The following KAT7 variants were observed in gnomAD, a reference collection of about 807,000 sequenced individuals.
The protein encoded by KAT7 is histone acetyltransferase KAT7.
KAT7 carries 10 observed loss-of-function variants against 82.1 expected under a neutral mutation model. That is an observed-to-expected ratio of 0.12 (90% confidence interval 0.08 to 0.21). The LOEUF is 0.21. KAT7 is among the 10% of genes least tolerant of loss of function. The probability of loss-of-function intolerance (pLI) is 1.00; values close to 1 mark genes in which losing one functional copy is unlikely to be tolerated. For missense variants in KAT7, 378 were observed against 760.9 expected (o/e 0.50, Z 5.92); for synonymous variants, 250 against 262.5 (o/e 0.95, Z 0.46).
chr17:49,814,045 C>G (rs953473332), intron 7 of KAT7, among the ~76,000 whole-genome samples: 5 of 152,032 alleles, frequency 3.3e-5, no homozygotes, highest in Admixed American at 1.3e-4. Flanking sequence ...GTGTGGGCCA[C>G]CACACCCAGC....
chr17:49,808,542 C>T (rs946486152), intron 5 of KAT7, among the ~76,000 whole-genome samples: 2 of 151,800 alleles, frequency 1.3e-5, no homozygotes, highest in African/African-American at 4.8e-5. Context: ...CTTCTACCTC[C>T]CGGGTTCAAG....
chr17:49,800,138 A>T (rs535499893), intron 4 of KAT7, among the ~76,000 whole-genome samples: 22 of 150,978 alleles, frequency 1.5e-4, no homozygotes, highest in African/African-American at 5.4e-4. Context: ...CAGCCTCTCG[A>T]GTAGCTGGGA....
chr17:49,816,962 A>G (rs895623383), intron 8 of KAT7, among the ~76,000 whole-genome samples: 1 of 152,098 alleles, frequency 6.6e-6, no homozygotes. Flanking sequence ...CAGGCATGCC[A>G]CTACACCCAT....
Position 49,788,754 on chromosome 17 carries a change from G to A in KAT7, c.-81G>A. 3.4e-6 allele frequency: 5 copies of A among 1,486,360 alleles called. No homozygotes were observed. The highest frequency in any genetic ancestry group is 4.6e-6 in the Non-Finnish European group (5 of 1,097,354). 92.1% of individuals were successfully genotyped at this position (1,486,360 alleles called of 1,614,324 possible). On this transcript the variant is annotated 5_prime_UTR_variant, in exon 1 of 15. Transcript: ENST00000259021. ...CAGGATTGGGACTGATACAGAGGCC[G>A]CCACGGAGCCCGCCGGAGCCACCGT...
Position 49,796,943 on chromosome 17 carries a change from T to C in KAT7, c.340+17T>C, listed in dbSNP as rs149083262. The C allele has an allele frequency of 3.7e-6, 6 of 1,611,938 alleles. No homozygotes were observed. The highest frequency in any genetic ancestry group is 5.1e-6 in the Non-Finnish European group (6 of 1,178,042). On this transcript the variant is annotated intron_variant, in intron 3 of 14. Coordinates refer to ENST00000259021, the MANE Select transcript of KAT7 (RefSeq NM_007067.5). ...CAGATAGAGGTGAGTGGGTATGGTA[T>C]GACTTAGACCTATTACAGAGCATCT...
At chr17:49,804,407 T>A (rs1032900447) in intron 4 of KAT7, among the ~76,000 whole-genome samples, 1 of 151,538 alleles carries the variant, frequency 6.6e-6, no homozygotes, top group Admixed American at 6.6e-5. Flanking sequence ...AATACATGAA[T>A]GAAGAGATAC....
chr17:49,816,175 T>A (rs1474433965), intron 8 of KAT7, among the ~76,000 whole-genome samples: 1 of 152,152 alleles, frequency 6.6e-6, no homozygotes, highest in Non-Finnish European at 1.5e-5. Context: ...CTGATGAGGC[T>A]GGATAAAACC....
At chr17:49,807,924 T>G (rs966099316) in intron 5 of KAT7, among the ~76,000 whole-genome samples, 1 of 152,042 alleles carries the variant, frequency 6.6e-6, no homozygotes, top group Non-Finnish European at 1.5e-5. Context: ...AGATTTGGGG[T>G]AGAGCAGATT....
In KAT7 at chr17:49,795,909, G is replaced by A. The variant is rs150481684; in HGVS notation, c.164-841G>A. ...CTGTACTGCATGGTTATATACTCCT[G>A]GATTATAGATTAAAAGTCTCTGTAG... On this transcript the variant is annotated intron_variant, in intron 2 of 14. Coordinates refer to ENST00000259021, the MANE Select transcript of KAT7 (RefSeq NM_007067.5). 3.3e-3 allele frequency among the ~76,000 whole-genome samples: 496 copies of A among 151,844 alleles called. 2 individuals are homozygous for A. Among genetic ancestry groups the A allele is most frequent in the African/African-American group, 0.011 (472 of 41,404 alleles).
At chr17:49,790,431 AG>A (rs948761327) in intron 1 of KAT7, among the ~76,000 whole-genome samples, 1 of 152,162 alleles carries the variant, frequency 6.6e-6, no homozygotes, top group African/African-American at 2.4e-5. Context: ...TCCTGACCTC[AG>A]GTGATCCACC....
chr17:49,834,091 C>T lies in KAT7; in HGVS notation c.*6589C>T, dbSNP rs1310613022. 1 of 152,208 alleles carries T rather than the reference C, an allele frequency of 6.6e-6. No individual in the cohort carries two copies. Among genetic ancestry groups the T allele is most frequent in the Non-Finnish European group, 1.5e-5 (1 of 68,042 alleles). The allele number at this position is 152,208 out of a possible 1,614,324, so 9.4% of individuals were successfully genotyped here. A position where few individuals can be genotyped will look rare whatever the true frequency, so the allele number is the denominator to read the frequency against. On this transcript the variant is annotated 3_prime_UTR_variant, in exon 15 of 15. Transcript: ENST00000259021. ...GGCTGGCCTTGGAATTCTTAGCCACCTCCTTAAGCGGATCAGGAAAACTGA... is the reference window on the plus strand; with the variant it reads ...GGCTGGCCTTGGAATTCTTAGCCACTTCCTTAAGCGGATCAGGAAAACTGA...
chr17:49,799,733 A>C (rs1184848295), intron 4 of KAT7, among the ~76,000 whole-genome samples: 2 of 151,968 alleles, frequency 1.3e-5, no homozygotes, highest in Non-Finnish European at 2.9e-5. Flanking sequence ...GCATGATCAT[A>C]GCTCACTGCA....
chr17:49,828,343 T>G lies in KAT7; in HGVS notation c.*841T>G, dbSNP rs1165695029. The G allele has an allele frequency of 6.6e-6, 1 of 152,218 alleles. No individual in the cohort carries two copies. Among genetic ancestry groups the G allele is most frequent in the Non-Finnish European group, 1.5e-5 (1 of 68,054 alleles). 9.4% of individuals were successfully genotyped at this position (152,218 alleles called of 1,614,324 possible). ...TTGCAGGTGCCAAAGTAATGTCCAC[T>G]TTTCCCTTTCATGCTGCATATTAAC... is the stretch of plus-strand genomic sequence containing the variant. On this transcript the variant is annotated 3_prime_UTR_variant, in exon 15 of 15. Transcript: ENST00000259021.
At chr17:49,792,569 C>T (rs1046728547) in intron 2 of KAT7, among the ~76,000 whole-genome samples, 4 of 152,014 alleles carry the variant, frequency 2.6e-5, no homozygotes, top group African/African-American at 9.7e-5. Flanking sequence ...TGAGTGGTGG[C>T]AATGAGCCAT....
chr17:49,805,517 C>T, intron 5 of KAT7, 72 bp downstream of exon 5: 5 of 1,065,914 alleles, frequency 4.7e-6, no homozygotes, highest in East Asian at 4.9e-5. Context: ...TTGCTGAACA[C>T]TGGGGATACA....
intron 12 of KAT7, among the ~76,000 whole-genome samples, chr17:49,825,579 C>A (rs1055333109): frequency 2.6e-5 from 4 of 152,208 alleles, no homozygotes; most frequent in Admixed American, 2.6e-4. Context: ...GAGAGACAGA[C>A]AACCTTCACA....
chr17:49,803,731 G>A (rs938742781), intron 4 of KAT7, among the ~76,000 whole-genome samples: 9 of 152,144 alleles, frequency 5.9e-5, no homozygotes, highest in East Asian at 1.9e-4. Context: ...GCCTAAAATT[G>A]CATTTTTAAT....
rs1187470091 is a variant in KAT7 at position 49,833,408 on chromosome 17, T to C, written c.*5906T>C. On this transcript the variant is annotated 3_prime_UTR_variant, in exon 15 of 15. Coordinates refer to ENST00000259021, the MANE Select transcript of KAT7 (RefSeq NM_007067.5). ...CTCACAAATTTAGAGGTGTGGTAGA[T>C]CATCTCCAAAGATGGCCACCAACAG... 6.6e-6 allele frequency: 1 copy of C among 152,238 alleles called. No homozygotes were observed. Among genetic ancestry groups the C allele is most frequent in the Admixed American group, 6.5e-5 (1 of 15,286 alleles). 9.4% of individuals were successfully genotyped at this position (152,238 alleles called of 1,614,324 possible).
intron 12 of KAT7, 175 bp downstream of exon 12, chr17:49,823,470 T>C: frequency 1.8e-6 from 1 of 563,396 alleles, no homozygotes; most frequent in Non-Finnish European, 3.2e-6. Context: ...CTAATACACA[T>C]TGAACATTGA....
Sources: gnomAD v4.1 joint callset for allele counts (sites outside exome capture counted in the v4.1 genomes callset) on GRCh38, gnomAD v4.1.1 for gene constraint, MANE v1.5 for transcripts, NCBI Gene and HGNC (gene_info 2026-07-23, HGNC 2026-07-21) for gene names.